The following ADGRF5 variants were observed in gnomAD, a reference collection of about 807,000 sequenced individuals.
ADGRF5 encodes adhesion G protein-coupled receptor F5, also known as G-protein coupled receptor 116.
ADGRF5 carries 75 observed loss-of-function variants against 132.3 expected under a neutral mutation model. That is an observed-to-expected ratio of 0.57 (90% CI 0.47 to 0.69). The LOEUF (loss-of-function observed/expected upper bound fraction) is 0.69, where lower values mean the gene tolerates loss of function less well. ADGRF5 is among the 30% of genes least tolerant of loss of function. The probability of loss-of-function intolerance (pLI) is 0.00; values close to 1 mark genes in which losing one functional copy is unlikely to be tolerated. For synonymous variants in ADGRF5, 629 were observed against 597.6 expected (o/e 1.05, Z -0.77); for missense variants, 1,516 against 1,630.6 (o/e 0.93, Z 1.21).
intron 2 of ADGRF5, among the ~76,000 whole-genome samples, chr6:46,905,928 CT>C (rs1397414512): frequency 3.3e-5 from 5 of 152,150 alleles, no homozygotes; most frequent in Admixed American, 2.6e-4. Flanking sequence ...ATCAGTACTA[CT>C]ATTAGCATCA....
chr6:46,923,172 A>G (rs781011581), upstream of ADGRF5, among the ~76,000 whole-genome samples: 14 of 152,126 alleles, frequency 9.2e-5, no homozygotes, highest in African/African-American at 1.4e-4. Flanking sequence ...GGTAATCCCC[A>G]GCCTCGGCCT....
Position 46,921,788 on chromosome 6 carries a change from G to A in ADGRF5, c.-100C>T, listed in dbSNP as rs891257089. ...AAAAGCTTCCCAGTTTCCACTATGG[G>A]GCCATTTGTCCTGGGCCTCCTGGGC... On this transcript the variant is annotated 5_prime_UTR_variant, in exon 1 of 21. Coordinates refer to ENST00000283296, the MANE Select transcript of ADGRF5 (RefSeq NM_001098518.2). 2.0e-5 allele frequency: 3 copies of A among 152,444 alleles called. No individual in the cohort carries two copies. The highest frequency in any genetic ancestry group is 7.2e-5 in the African/African-American group (3 of 41,444). 9.4% of individuals were successfully genotyped at this position (152,444 alleles called of 1,614,324 possible).
At chr6:46,906,260 TAAAAC>T (rs1326897762) in intron 2 of ADGRF5, among the ~76,000 whole-genome samples, 1 of 152,220 alleles carries the variant, frequency 6.6e-6, no homozygotes, top group Non-Finnish European at 1.5e-5. Flanking sequence ...ATGTCCCAGT[TAAAAC>T]AAATCCTTTG....
intron 1 of ADGRF5, among the ~76,000 whole-genome samples, chr6:46,930,583 T>G (rs1313269159): frequency 6.6e-6 from 1 of 152,186 alleles, no homozygotes; most frequent in Non-Finnish European, 1.5e-5. Flanking sequence ...GCATGCAGCT[T>G]GCATGTAAAA....
chr6:46,941,409 A>AAGAAAAGAAAAGAAAAGAAAAG (rs1778054849), intron 1 of ADGRF5, among the ~76,000 whole-genome samples: 14 of 38,712 alleles, frequency 3.6e-4, no homozygotes, highest in African/African-American at 1.5e-3. Flanking sequence ...AAGAAAAGAA[A>AAGAAAAGAAAAGAAAAGAAAAG]AGAAAAGAAA....
intron 1 of ADGRF5, among the ~76,000 whole-genome samples, chr6:46,935,181 C>T (rs1037196472): frequency 1.3e-5 from 2 of 151,458 alleles, no homozygotes; most frequent in Non-Finnish European, 2.9e-5. Flanking sequence ...TTTTTTGTAT[C>T]TTTAGTAGAG....
At chr6:46,912,841 C>A (rs1489163475) in intron 1 of ADGRF5, among the ~76,000 whole-genome samples, 1 of 152,048 alleles carries the variant, frequency 6.6e-6, no homozygotes, top group African/African-American at 2.4e-5. Flanking sequence ...ATGACCAGAC[C>A]CTTCGCTGAT....
rs183217092 is a variant in ADGRF5 at position 46,863,305 on chromosome 6, G to A, written c.1991-209C>T. ...CCACATGAACCTGACTTCTGTAATC[G>A]GAACTTCCTTTTCCTAACAGAATTT... is the stretch of plus-strand genomic sequence containing the variant. On this transcript the variant is annotated intron_variant, in intron 14 of 20. Coordinates refer to ENST00000283296, the MANE Select transcript of ADGRF5 (RefSeq NM_001098518.2). The A allele has an allele frequency of 4.2e-3, 2,757 of 664,134 alleles. 21 individuals carry two copies. The highest frequency in any genetic ancestry group is 0.024 in the Middle Eastern group (98 of 4,162). The allele number at this position is 664,134 out of a possible 1,614,324, so 41.1% of individuals were successfully genotyped here.
intron 1 of ADGRF5, among the ~76,000 whole-genome samples, chr6:46,949,261 G>C (rs1045623601): frequency 2.6e-5 from 4 of 152,178 alleles, no homozygotes; most frequent in African/African-American, 9.7e-5. Flanking sequence ...GAAAGCAAAG[G>C]CATGCTGAGA....
At chr6:46,875,669 C>G (rs574469089) in intron 10 of ADGRF5, among the ~76,000 whole-genome samples, 2 of 152,026 alleles carry the variant, frequency 1.3e-5, no homozygotes, top group African/African-American at 4.8e-5. Context: ...CCCAGCTACT[C>G]GGGAGGCTGA....
At position 46,888,436 on chromosome 6, in the gene ADGRF5, A is replaced by G. The variant is rs760731210; in HGVS notation, c.227T>C (p.Phe76Ser). 41 of 1,611,808 alleles carry G rather than the reference A, an allele frequency of 2.5e-5. No individual in the cohort carries two copies. In the South Asian group the frequency reaches 3.2e-4, roughly 13 times the overall value. Residue 76 changes from phenylalanine (F) to serine (S), a missense_variant, in exon 4 of 21, where the codon TTC (phenylalanine) becomes TCC (serine). Around this residue, in one of 2 missense-constraint regions of ADGRF5, gnomAD observed 945 missense variants for 929.4 expected, o/e 1.02. Coordinates refer to ENST00000283296, the MANE Select transcript of ADGRF5 (RefSeq NM_001098518.2). ...NIEISFENASFLDPIKAYLNS... is the reference protein window; with the variant it reads ...NIEISFENASSLDPIKAYLNS... ...CAAGTAGGCTTTGATAGGATCCAGG[A>G]AGGATGCATTTTCAAAACTGATCTC...
chr6:46,880,937 TA>T (rs540532869), intron 8 of ADGRF5, among the ~76,000 whole-genome samples: 3,260 of 145,308 alleles, frequency 0.022, 48 homozygotes, highest in South Asian at 0.045. Flanking sequence ...CAAAAAATAA[TA>T]AAAAAAAAAA....
intron 2 of ADGRF5, among the ~76,000 whole-genome samples, chr6:46,901,882 C>T (rs1774806036): frequency 6.6e-6 from 1 of 152,128 alleles, no homozygotes; most frequent in Admixed American, 6.5e-5. Context: ...AGGAAAAGAT[C>T]AGATGTCCGC....
At chr6:46,859,597 C>T (rs1769496068) in intron 16 of ADGRF5, 74 bp from the exon 17 acceptor site, 4 of 896,244 alleles carry the variant, frequency 4.5e-6, no homozygotes, top group Admixed American at 5.3e-5. Flanking sequence ...CAACATCTTC[C>T]TAGAAACTGA....
chr6:46,933,983 G>A (rs778903733), intron 1 of ADGRF5, among the ~76,000 whole-genome samples: 5 of 152,098 alleles, frequency 3.3e-5, no homozygotes, highest in African/African-American at 9.7e-5. Flanking sequence ...AGTTTCTTCC[G>A]GAATTCCTCA....
chr6:46,888,289 CA>C, intron 4 of ADGRF5, 45 bp downstream of exon 4: 1 of 1,379,754 alleles, frequency 7.2e-7, no homozygotes, highest in Non-Finnish European at 1.0e-6. Context: ...CAGTCTGTCT[CA>C]AGACATCCAA....
upstream of ADGRF5, among the ~76,000 whole-genome samples, chr6:46,923,943 T>A (rs1356876976): frequency 3.9e-5 from 6 of 152,208 alleles, no homozygotes; most frequent in Non-Finnish European, 8.8e-5. Flanking sequence ...CCAAATTTCT[T>A]GAACCCAACT....
chr6:46,862,828 A>G (rs139373768), intron 15 of ADGRF5, 60 bp downstream of exon 15: 1 of 1,131,936 alleles, frequency 8.8e-7, no homozygotes, highest in African/African-American at 1.5e-5. Context: ...GTGCTGAGAA[A>G]TATGATCAGC....
chr6:46,873,584 C>T (rs895357340), intron 10 of ADGRF5, among the ~76,000 whole-genome samples: 1 of 152,104 alleles, frequency 6.6e-6, no homozygotes, highest in Non-Finnish European at 1.5e-5. Flanking sequence ...TCAAAGATTG[C>T]CCCTTTCCTC....
Sources: allele counts gnomAD v4.1 joint callset (sites outside exome capture counted in the v4.1 genomes callset), GRCh38; gene constraint gnomAD v4.1.1; regional missense constraint gnomAD v4.1.1; transcripts MANE v1.5; gene names NCBI Gene and HGNC (gene_info 2026-07-23, HGNC 2026-07-21).